SH3RF3: variants seen among roughly 807,000 people sequenced by gnomAD.
The protein encoded by SH3RF3 is SH3 domain containing ring finger 3.
In SH3RF3, 29 loss-of-function variants were observed where a neutral mutation model predicts 66.3. That is an observed-to-expected ratio of 0.44 (90% CI 0.33 to 0.60). The LOEUF (loss-of-function observed/expected upper bound fraction) is 0.60, where lower values mean the gene tolerates loss of function less well. Among genes scored for constraint, SH3RF3 ranks in the 20% least tolerant of loss-of-function variants. SH3RF3 has a pLI of 0.04. For synonymous variants in SH3RF3, 583 were observed against 532.0 expected (o/e 1.10, Z -1.32); for missense variants, 1,194 against 1,190.9 (o/e 1.00, Z -0.04).
At chr2:109,143,323 A>T (rs560997917) in intron 1 of SH3RF3, among the ~76,000 whole-genome samples, 2 of 152,212 alleles carry the variant, frequency 1.3e-5, no homozygotes, top group Non-Finnish European at 2.9e-5. Flanking sequence ...TGGATAAAAA[A>T]TGCCTTAAGT....
chr2:109,154,688 A>T (rs896215517), intron 1 of SH3RF3, among the ~76,000 whole-genome samples: 1 of 152,182 alleles, frequency 6.6e-6, no homozygotes, highest in Non-Finnish European at 1.5e-5. Flanking sequence ...GGTTTGGACA[A>T]GGTCAGGTGG....
chr2:109,313,038 T>G (rs1252793718), intron 1 of SH3RF3, among the ~76,000 whole-genome samples: 3 of 152,186 alleles, frequency 2.0e-5, no homozygotes, highest in African/African-American at 7.2e-5. Flanking sequence ...TCTGCAGTGT[T>G]AAGAAGAGGC....
chr2:109,496,899 G>A (rs1653203382), intron 9 of SH3RF3, among the ~76,000 whole-genome samples: 1 of 152,202 alleles, frequency 6.6e-6, no homozygotes, highest in Admixed American at 6.5e-5. Flanking sequence ...ATGAGTAGAA[G>A]AGAGAGGCAG....
rs1374967665 is a variant in SH3RF3 at position 109,449,298 on chromosome 2, A to C, written c.1957A>C (p.Ser653Arg). ...RPHSVVSPQH[S>R]HQPPVQMCPR... The stretch of plus-strand genomic sequence containing the variant: ...CCACTCGGTGGTGTCCCCGCAGCAC[A>C]GCCACCAGCCCCCGGTGCAGATGTG... The change falls in exon 8 of 10, where the codon AGC becomes CGC. Residue 653 changes from serine (S) to arginine (R), a missense_variant. Coordinates refer to ENST00000309415, the MANE Select transcript of SH3RF3 (RefSeq NM_001099289.3). 3.7e-6 allele frequency: 6 copies of C among 1,608,614 alleles called. No homozygotes were observed. Among genetic ancestry groups the C allele is most frequent in the Non-Finnish European group, 5.1e-6 (6 of 1,177,528 alleles).
intron 1 of SH3RF3, among the ~76,000 whole-genome samples, chr2:109,338,995 AAAG>A (rs1314400436): frequency 6.6e-6 from 1 of 152,238 alleles, no homozygotes; most frequent in African/African-American, 2.4e-5. Flanking sequence ...GAGCTAGAGA[AAAG>A]AAATTGTTAT....
At chr2:109,221,023 G>T (rs1235203854) in intron 1 of SH3RF3, among the ~76,000 whole-genome samples, 1 of 148,798 alleles carries the variant, frequency 6.7e-6, no homozygotes, top group Non-Finnish European at 1.5e-5. Context: ...ACAGATGACA[G>T]GGTAAACAAA....
chr2:109,397,619 C>T (rs4676287), intron 3 of SH3RF3, among the ~76,000 whole-genome samples: 79,428 of 151,998 alleles, frequency 0.52, 21,211 homozygotes, highest in South Asian at 0.6. Context: ...AGATGGTGAA[C>T]TGACCTAACT....
chr2:109,407,460 ATC>A (rs1308163992), intron 4 of SH3RF3, among the ~76,000 whole-genome samples: 2 of 152,148 alleles, frequency 1.3e-5, no homozygotes, highest in African/African-American at 2.4e-5. Flanking sequence ...GGGTCTTATT[ATC>A]TCTGCCACAG....
chr2:109,177,319 A>G (rs991181963), intron 1 of SH3RF3, among the ~76,000 whole-genome samples: 2 of 152,144 alleles, frequency 1.3e-5, no homozygotes, highest in African/African-American at 2.4e-5. Flanking sequence ...TTTCTTTTAT[A>G]TCTACTAAGA....
chr2:109,337,491 G>A (rs563517456), intron 1 of SH3RF3, among the ~76,000 whole-genome samples: 1 of 152,336 alleles, frequency 6.6e-6, no homozygotes, highest in South Asian at 2.1e-4. Flanking sequence ...GACTGTGCAG[G>A]CAAGGGCGGG....
At chr2:109,316,735 T>C (rs1176967981) in intron 1 of SH3RF3, among the ~76,000 whole-genome samples, 1 of 152,314 alleles carries the variant, frequency 6.6e-6, no homozygotes, top group East Asian at 1.9e-4. Flanking sequence ...TATAATGCGA[T>C]GTATCCACCA....
rs954932444 is a variant in SH3RF3, at chr2:109,489,345, C to A, written c.2149-1260C>A. Among the ~76,000 whole-genome samples the A allele has an allele frequency of 2.6e-5, 4 of 152,356 alleles. No homozygotes were observed. The East Asian group carries it at 7.7e-4, about 29-fold the overall frequency. On this transcript the variant is annotated intron_variant, in intron 8 of 9. Coordinates refer to ENST00000309415, the MANE Select transcript of SH3RF3 (RefSeq NM_001099289.3). ...CACAGGCCCCCAGACCCTGGTACAG[C>A]TGCAACAACAATCCAGGCATGTGGC...
intron 1 of SH3RF3, among the ~76,000 whole-genome samples, chr2:109,298,084 C>A (rs1331689376): frequency 6.6e-6 from 1 of 152,122 alleles, no homozygotes; most frequent in Non-Finnish European, 1.5e-5. Flanking sequence ...GGGGATCTGT[C>A]CCACTCAAAC....
At chr2:109,303,783 G>A (rs917552553) in intron 1 of SH3RF3, among the ~76,000 whole-genome samples, 1 of 152,238 alleles carries the variant, frequency 6.6e-6, no homozygotes, top group African/African-American at 2.4e-5. Context: ...ATCTCGATGA[G>A]TCTGGGGGTG....
intron 1 of SH3RF3, among the ~76,000 whole-genome samples, chr2:109,335,812 G>A (rs1004149795): frequency 3.9e-5 from 6 of 152,226 alleles, no homozygotes; most frequent in Admixed American, 2.6e-4. Flanking sequence ...TACCTTACGC[G>A]GCTGTAGAGA....
intron 1 of SH3RF3, among the ~76,000 whole-genome samples, chr2:109,306,675 T>C (rs1468905448): frequency 6.6e-6 from 1 of 152,204 alleles, no homozygotes; most frequent in African/African-American, 2.4e-5. Flanking sequence ...AAATGCCCAG[T>C]AACCTAGCAT....
chr2:109,352,247 A>G (rs1682854134), intron 2 of SH3RF3, among the ~76,000 whole-genome samples: 1 of 152,226 alleles, frequency 6.6e-6, no homozygotes, highest in Non-Finnish European at 1.5e-5. Context: ...CACTTCCGTC[A>G]GATGGTACAT....
intron 1 of SH3RF3, among the ~76,000 whole-genome samples, chr2:109,152,587 G>A (rs898997361): frequency 6.6e-6 from 1 of 152,192 alleles, no homozygotes; most frequent in Admixed American, 6.5e-5. Context: ...TATTTACATT[G>A]TGTATTATCA....
intron 1 of SH3RF3, among the ~76,000 whole-genome samples, chr2:109,210,711 C>T (rs1198718710): frequency 2.6e-5 from 4 of 152,104 alleles, no homozygotes; most frequent in African/African-American, 4.8e-5. Flanking sequence ...GGTTTTCCTC[C>T]CGGGGTTCTC....
Sources: gnomAD v4.1 joint callset for allele counts (sites outside exome capture counted in the v4.1 genomes callset) on GRCh38, gnomAD v4.1.1 for gene constraint, MANE v1.5 for transcripts, NCBI Gene and HGNC (gene_info 2026-07-23, HGNC 2026-07-21) for gene names.